BAIAP2L1: variants seen among roughly 807,000 people sequenced by gnomAD.
The protein encoded by BAIAP2L1 is BAR/IMD domain containing adaptor protein 2 like 1.
BAIAP2L1 carries 35 observed loss-of-function variants against 66.3 expected under a neutral mutation model. That is an observed-to-expected ratio of 0.53 (90% CI 0.40 to 0.70). BAIAP2L1 has a LOEUF of 0.70. BAIAP2L1 is among the 30% of genes least tolerant of loss of function. BAIAP2L1 has a pLI of 0.00. For synonymous variants in BAIAP2L1, 269 were observed against 248.7 expected (o/e 1.08, Z -0.77); for missense variants, 622 against 656.9 (o/e 0.95, Z 0.58).
At chr7:98,375,507 T>C (rs1331596006) in intron 1 of BAIAP2L1, among the ~76,000 whole-genome samples, 2 of 151,846 alleles carry the variant, frequency 1.3e-5, no homozygotes, top group African/African-American at 4.8e-5. Flanking sequence ...CCCAGCACTT[T>C]GGGAGGCCGA....
At chr7:98,380,790 C>T (rs1168145991) in intron 1 of BAIAP2L1, among the ~76,000 whole-genome samples, 1 of 150,356 alleles carries the variant, frequency 6.7e-6, no homozygotes, top group African/African-American at 2.4e-5. Flanking sequence ...CCGCCACTAC[C>T]ACCACCACCA....
chr7:98,398,633 C>T (rs1044647417), intron 1 of BAIAP2L1, among the ~76,000 whole-genome samples: 4 of 152,128 alleles, frequency 2.6e-5, no homozygotes, highest in Non-Finnish European at 5.9e-5. Flanking sequence ...TCTACAAATA[C>T]GTATAACCAA....
At position 98,297,286 on chromosome 7, in the gene BAIAP2L1, G is replaced by A. The variant is rs1023159585; in HGVS notation, c.1423-3175C>T. ...CCTGGTCCACACCCCCTTCCCGACT[G>A]TACGGAGCTTCCAGGGTGCCCACCA... On this transcript the variant is annotated intron_variant, in intron 12 of 13. Transcript: ENST00000005260. 2.0e-5 allele frequency among the ~76,000 whole-genome samples: 3 copies of A among 152,240 alleles called. No homozygotes were observed. The South Asian group carries it at 6.2e-4, about 32-fold the overall frequency.
chr7:98,376,671 A>C (rs1470899269), intron 1 of BAIAP2L1, among the ~76,000 whole-genome samples: 1 of 150,886 alleles, frequency 6.6e-6, no homozygotes, highest in Non-Finnish European at 1.5e-5. Context: ...AAAAAAAAAA[A>C]AAAACACACA....
At chr7:98,313,564 T>C (rs1800958128) in intron 7 of BAIAP2L1, among the ~76,000 whole-genome samples, 1 of 152,182 alleles carries the variant, frequency 6.6e-6, no homozygotes. Context: ...AGTACAGACA[T>C]GCTGTTGACA....
chr7:98,385,588 T>A (rs67132564), intron 1 of BAIAP2L1, among the ~76,000 whole-genome samples: 58,287 of 151,412 alleles, frequency 0.38, 12,572 homozygotes, highest in Middle Eastern at 0.55. Context: ...ATTTTTTTGT[T>A]TTTTTCGTAG....
intron 3 of BAIAP2L1, among the ~76,000 whole-genome samples, chr7:98,338,272 A>T (rs1319805536): frequency 1.3e-5 from 2 of 151,902 alleles, no homozygotes; most frequent in Admixed American, 1.3e-4. Context: ...TACAAAAAAA[A>T]TTAGCCGGGC....
At chr7:98,300,905 G>T (rs1223578593) in intron 12 of BAIAP2L1, among the ~76,000 whole-genome samples, 1 of 152,130 alleles carries the variant, frequency 6.6e-6, no homozygotes, top group African/African-American at 2.4e-5. Flanking sequence ...TCAGAGCCTG[G>T]CTCCGACGCT....
chr7:98,368,805 ATTTTTTT>A (rs35390626), intron 1 of BAIAP2L1, among the ~76,000 whole-genome samples: 24 of 147,758 alleles, frequency 1.6e-4, no homozygotes, highest in Non-Finnish European at 3.3e-4. Flanking sequence ...ATCACTTTTT[ATTTTTTT>A]TTTTTGGCTA....
In BAIAP2L1 at chr7:98,304,460, C is replaced by T; in HGVS notation, c.1242-84G>A. ...CATCCTCTGTGTCCCTGACCAAGGA[C>T]AACAGTAATAGTACATCACCAATCA... is the stretch of plus-strand genomic sequence containing the variant. On this transcript the variant is annotated intron_variant, in intron 11 of 13. Transcript: ENST00000005260. 2.9e-6 allele frequency: 4 copies of T among 1,373,514 alleles called. No homozygotes were observed. In the South Asian group the frequency reaches 4.9e-5, roughly 17 times the overall value. The allele number at this position is 1,373,514 out of a possible 1,614,324, so 85.1% of individuals were successfully genotyped here. A position where few individuals can be genotyped will look rare whatever the true frequency, so the allele number is the denominator to read the frequency against.
At chr7:98,362,631 C>T (rs961291382) in intron 1 of BAIAP2L1, among the ~76,000 whole-genome samples, 199 bp from the exon 2 acceptor site, 3 of 152,142 alleles carry the variant, frequency 2.0e-5, no homozygotes, top group East Asian at 1.9e-4. Context: ...GCAAGGTGCC[C>T]GTAACCCTGG....
Position 98,306,426 on chromosome 7 carries a change from C to T in BAIAP2L1, c.1241+13G>A, listed in dbSNP as rs764973996. ...TTCTGTCACCGGGAGAGCTCAGCCA[C>T]GTTCAGGGCTACCTTGGCGTGGGCA... On this transcript the variant is annotated intron_variant, in intron 11 of 13. Transcript: ENST00000005260. The T allele has an allele frequency of 2.2e-5, 36 of 1,613,946 alleles. No individual in the cohort carries two copies. In the South Asian group the frequency reaches 2.9e-4, roughly 13 times the overall value.
chr7:98,331,043 G>T (rs777019725), intron 3 of BAIAP2L1, among the ~76,000 whole-genome samples: 1 of 152,062 alleles, frequency 6.6e-6, no homozygotes, highest in Non-Finnish European at 1.5e-5. Flanking sequence ...GAAACTCAAA[G>T]ATTCAAAAAG....
chr7:98,382,197 A>T lies in BAIAP2L1; in HGVS notation c.51+18605T>A, dbSNP rs533080168. Among the ~76,000 whole-genome samples the T allele has an allele frequency of 7.9e-4, 120 of 152,196 alleles. No individual in the cohort carries two copies. In the East Asian group the frequency reaches 8.9e-3, roughly 11 times the overall value. ...TCAGCCTCCCAAAGTGCTGGGTTATAGGCGTGAGCAACCGTGCCCAGCCAA... is the reference window on the plus strand; with the variant it reads ...TCAGCCTCCCAAAGTGCTGGGTTATTGGCGTGAGCAACCGTGCCCAGCCAA... On this transcript the variant is annotated intron_variant, in intron 1 of 13. Coordinates refer to ENST00000005260, the MANE Select transcript of BAIAP2L1 (RefSeq NM_018842.5).
In BAIAP2L1 at chr7:98,310,456, T is replaced by C; in HGVS notation, c.944A>G (p.Asn315Ser). 1 of 1,598,892 alleles carries C rather than the reference T, an allele frequency of 6.3e-7. No homozygotes were observed. The highest frequency in any genetic ancestry group is 1.8e-5 in the Admixed American group (1 of 55,816). ...ATAAPNSQRV[N>S]NSTGTSEDPS... ...ACTGAATCTCTTACCTGTTGAATTA[T>C]TTACCCTTTGTGAATTCGGGGCAGC... is the stretch of plus-strand genomic sequence containing the variant. The change falls in exon 9 of 14, where the codon AAT becomes AGT. Residue 315 changes from asparagine (N) to serine (S), a missense_variant. Coordinates refer to ENST00000005260, the MANE Select transcript of BAIAP2L1 (RefSeq NM_018842.5).
In BAIAP2L1 at chr7:98,400,863, G is replaced by T; in HGVS notation, c.-11C>A. 1 of 1,537,396 alleles carries T rather than the reference G, an allele frequency of 6.5e-7. No individual in the cohort carries two copies. Among genetic ancestry groups the T allele is most frequent in the Non-Finnish European group, 8.8e-7 (1 of 1,141,080 alleles). On this transcript the variant is annotated 5_prime_UTR_variant, in exon 1 of 14. Transcript: ENST00000005260. ...GGGCCCCCGGGACATGGCTGCGGCC[G>T]CCGGGCGAGCAAGCGCGGGAGGACG...
At chr7:98,373,806 G>A (rs1323988567) in intron 1 of BAIAP2L1, among the ~76,000 whole-genome samples, 1 of 152,194 alleles carries the variant, frequency 6.6e-6, no homozygotes, top group Admixed American at 6.5e-5. Flanking sequence ...GGTATCTCCA[G>A]GAACCTCCAC....
chr7:98,385,119 C>T (rs1262880210), intron 1 of BAIAP2L1, among the ~76,000 whole-genome samples: 2 of 151,912 alleles, frequency 1.3e-5, no homozygotes, highest in African/African-American at 4.8e-5. Context: ...ACCAGCCTGG[C>T]CAACATGGTG....
chr7:98,369,044 C>CTTTT (rs34808288), intron 1 of BAIAP2L1, among the ~76,000 whole-genome samples: 1 of 130,766 alleles, frequency 7.6e-6, no homozygotes, highest in African/African-American at 2.8e-5. Context: ...AACTGCCAAA[C>CTTTT]TTTTTTTTTT....
Sources: allele counts gnomAD v4.1 joint callset (sites outside exome capture counted in the v4.1 genomes callset), GRCh38; gene constraint gnomAD v4.1.1; transcripts MANE v1.5; gene names NCBI Gene and HGNC (gene_info 2026-07-23, HGNC 2026-07-21).